Variants in ADAMTS20 observed in about 807,000 individuals in gnomAD.
ADAMTS20 encodes A disintegrin and metalloproteinase with thrombospondin motifs 20.
Under a neutral mutation model 260.1 loss-of-function variants are expected in ADAMTS20, and 225 were observed. The observed-to-expected ratio is 0.87, with a 90% CI of 0.78 to 0.97. The LOEUF (loss-of-function observed/expected upper bound fraction) is 0.97. ADAMTS20 is among the 50% of genes least tolerant of loss of function. The pLI is 0.00. For missense variants in ADAMTS20, 2,400 were observed against 2,337.7 expected (o/e 1.03, Z -0.55); for synonymous variants, 802 against 769.5 (o/e 1.04, Z -0.70).
intron 7 of ADAMTS20, among the ~76,000 whole-genome samples, chr12:43,475,063 G>T (rs1276371998): frequency 7.1e-6 from 1 of 140,046 alleles, no homozygotes; most frequent in Non-Finnish European, 1.5e-5. Context: ...CCTGTGTGCA[G>T]ACAACATGAT....
chr12:43,402,040 C>T (rs1940820563), intron 28 of ADAMTS20, among the ~76,000 whole-genome samples: 1 of 151,914 alleles, frequency 6.6e-6, no homozygotes, highest in East Asian at 1.9e-4. Context: ...GGTAAATACA[C>T]ATCAATCTTT....
At chr12:43,360,174 C>A (rs1939836075) in intron 37 of ADAMTS20, among the ~76,000 whole-genome samples, 1 of 152,204 alleles carries the variant, frequency 6.6e-6, no homozygotes, top group Non-Finnish European at 1.5e-5. Context: ...ACCGGCCGGG[C>A]ACGGTGGCTC....
At chr12:43,383,476 A>G (rs1244325780) in intron 31 of ADAMTS20, 82 bp downstream of exon 31, 4 of 1,372,922 alleles carry the variant, frequency 2.9e-6, no homozygotes, top group Non-Finnish European at 3.9e-6. Context: ...CAAATTTTAT[A>G]CCCAGTTTCA....
chr12:43,367,401 A>T (rs1940011255), intron 37 of ADAMTS20, among the ~76,000 whole-genome samples: 1 of 152,050 alleles, frequency 6.6e-6, no homozygotes, highest in African/African-American at 2.4e-5. Flanking sequence ...TATAAAAATA[A>T]ATCAGTGTGG....
chr12:43,427,212 T>C (rs1941349712), intron 27 of ADAMTS20, 96 bp downstream of exon 27: 1 of 1,366,064 alleles, frequency 7.3e-7, no homozygotes, highest in Non-Finnish European at 9.9e-7. Context: ...CTACATAGTA[T>C]AGTGAAATCA....
intron 3 of ADAMTS20, among the ~76,000 whole-genome samples, chr12:43,529,688 C>A (rs965515392): frequency 1.3e-5 from 2 of 152,026 alleles, no homozygotes; most frequent in African/African-American, 4.8e-5. Flanking sequence ...GAATAAAAAT[C>A]TACATATGAG....
rs534224255 is a variant in ADAMTS20 at position 43,464,304 on chromosome 12, A to G, written c.1509+287T>C. On this transcript the variant is annotated intron_variant, in intron 10 of 38. Coordinates refer to ENST00000389420, the MANE Select transcript of ADAMTS20 (RefSeq NM_025003.5). Reference sequence around the variant, plus strand: ...ATATCATTTGAAAATAAATATTTCAATGATTTTATTTTCAAATTATATAAC... The same window carrying G: ...ATATCATTTGAAAATAAATATTTCAGTGATTTTATTTTCAAATTATATAAC... Among the ~76,000 whole-genome samples, 16 of 152,228 alleles carry G rather than the reference A, an allele frequency of 1.1e-4. No homozygotes were observed. In the South Asian group the frequency reaches 2.5e-3, roughly 24 times the overall value.
At position 43,462,892 on chromosome 12, in the gene ADAMTS20, T is replaced by C; in HGVS notation, c.1614+3A>G. 6.3e-7 allele frequency: 1 copy of C among 1,598,126 alleles called. No individual in the cohort carries two copies. Among genetic ancestry groups the C allele is most frequent in the Admixed American group, 1.7e-5 (1 of 57,834 alleles). ...ACAAGACTCACCCTTCAAGAAAACC[T>C]ACCATTCCAGGACCGCAGTCTGTTC... On this transcript the variant is annotated splice_donor_region_variant and intron_variant, in intron 11 of 38. Transcript: ENST00000389420.
intron 19 of ADAMTS20, 145 bp downstream of exon 19, chr12:43,434,100 T>C (rs1056014180): frequency 2.3e-5 from 20 of 871,006 alleles, no homozygotes; most frequent in Admixed American, 1.8e-4. Flanking sequence ...AGTTTTACCA[T>C]AAAATAGTGA....
Position 43,532,135 on chromosome 12 carries a change from C to T in ADAMTS20, c.514G>A (p.Gly172Arg), listed in dbSNP as rs867705456. Residue 172 changes from glycine to arginine, a missense_variant, in exon 3 of 39, where the codon GGG becomes AGG. Physicochemically the swap from Gly to Arg is moderately radical, Grantham distance 125 (BLOSUM62 -2). Transcript: ENST00000389420. ...TTGTGACCATCTTCATATTCATTCC[C>T]ATCTGCCTTCATTATAGGTTCTAAG... ...YFLEPIMKAD[G>R]NEYEDGHNKP... 4 of 1,611,930 alleles carry T rather than the reference C, an allele frequency of 2.5e-6. No homozygotes were observed. Among genetic ancestry groups the T allele is most frequent in the African/African-American group, 1.3e-5 (1 of 74,812 alleles).
intron 28 of ADAMTS20, among the ~76,000 whole-genome samples, chr12:43,411,168 T>G (rs1273840346): frequency 6.6e-6 from 1 of 152,198 alleles, no homozygotes; most frequent in African/African-American, 2.4e-5. Flanking sequence ...TCTACCTGAA[T>G]TATGGGGCAT....
At chr12:43,443,697 G>C (rs976695873) in intron 16 of ADAMTS20, 94 bp downstream of exon 16, 17 of 953,802 alleles carry the variant, frequency 1.8e-5, no homozygotes, top group African/African-American at 1.8e-4. Context: ...CTTGCTAAAG[G>C]GACTCCTGTT....
rs376132607 is a variant in ADAMTS20, at chr12:43,401,236, A to G, written c.4285-2003T>C. 2.0e-5 allele frequency among the ~76,000 whole-genome samples: 3 copies of G among 152,080 alleles called. No homozygotes were observed. In the East Asian group the frequency reaches 5.8e-4, roughly 29 times the overall value. ...GTAGGTTTGTTGATGGACAAAGATGAATGGTCTTATGTGTATGTTTGATAT... is the reference window on the plus strand; with the variant it reads ...GTAGGTTTGTTGATGGACAAAGATGGATGGTCTTATGTGTATGTTTGATAT... On this transcript the variant is annotated intron_variant, in intron 28 of 38. Transcript: ENST00000389420.
intron 36 of ADAMTS20, among the ~76,000 whole-genome samples, chr12:43,372,856 C>T (rs1940136317): frequency 6.6e-6 from 1 of 152,118 alleles, no homozygotes; most frequent in South Asian, 2.1e-4. Context: ...TGAGCAATTC[C>T]CTTCTGATTC....
intron 16 of ADAMTS20, among the ~76,000 whole-genome samples, chr12:43,441,101 C>T (rs1476173859): frequency 6.6e-6 from 1 of 150,930 alleles, no homozygotes; most frequent in Non-Finnish European, 1.5e-5. Flanking sequence ...CTAGGGTCAA[C>T]ATTCTAGAAG....
At position 43,431,479 on chromosome 12, in the gene ADAMTS20, A is replaced by G. The variant is rs1328908975; in HGVS notation, c.3114T>C (p.Gly1038=). ...ATACCTGCCGCTGCTTTGTTCCTTT[A>G]CCACATGTAACAAGGCACTGTAAGA... ...SEWSECLVTC[G]KGTKQRQVWC... is the part of the protein sequence containing the mutation. The change falls in exon 22 of 39, where the codon GGT becomes GGC. Residue 1038 remains glycine, a synonymous_variant. Coordinates refer to ENST00000389420, the MANE Select transcript of ADAMTS20 (RefSeq NM_025003.5). 6 of 1,613,920 alleles carry G rather than the reference A, an allele frequency of 3.7e-6. No individual in the cohort carries two copies. Among genetic ancestry groups the G allele is most frequent in the Non-Finnish European group, 3.4e-6 (4 of 1,179,848 alleles).
At chr12:43,428,856 C>T in intron 24 of ADAMTS20, 57 bp from the exon 25 acceptor site, 2 of 1,425,010 alleles carry the variant, frequency 1.4e-6, no homozygotes, top group Non-Finnish European at 9.3e-7. Flanking sequence ...CACCCATGTC[C>T]CTTTTACATA....
rs118163409 is a variant in ADAMTS20, at chr12:43,509,588, T to C, written c.614-7183A>G. Among the ~76,000 whole-genome samples, 96 of 152,188 alleles carry C rather than the reference T, an allele frequency of 6.3e-4. 1 individual carries two copies. In the East Asian group the frequency reaches 0.016, roughly 25 times the overall value. On this transcript the variant is annotated intron_variant, in intron 3 of 38. Transcript: ENST00000389420. ...ATAGTTAAAAACTAAAATAAAAATA[T>C]ATGTCATATATGGGTATAATAACAT...
chr12:43,478,425 T>G (rs1177121762), intron 7 of ADAMTS20, among the ~76,000 whole-genome samples: 2 of 151,974 alleles, frequency 1.3e-5, no homozygotes, highest in African/African-American at 4.8e-5. Flanking sequence ...ACAGATGTAG[T>G]AGAATCCCAC....
Sources: gnomAD v4.1 joint callset for allele counts (sites outside exome capture counted in the v4.1 genomes callset) on GRCh38, gnomAD v4.1.1 for gene constraint, MANE v1.5 for transcripts, NCBI Gene and HGNC (gene_info 2026-07-23, HGNC 2026-07-21) for gene names.